The following HDAC9 variants were observed in gnomAD, a reference collection of about 807,000 sequenced individuals.
HDAC9 encodes histone deacetylase 9.
In HDAC9, 41 loss-of-function variants were observed where a neutral mutation model predicts 139.4. That is an observed-to-expected ratio of 0.29 (90% CI 0.23 to 0.38). The LOEUF (loss-of-function observed/expected upper bound fraction) is 0.38. HDAC9 is among the 10% of genes least tolerant of loss of function. The pLI is 1.00. For synonymous variants in HDAC9, 517 were observed against 476.2 expected (o/e 1.09, Z -1.12); for missense variants, 1,147 against 1,297.0 (o/e 0.88, Z 1.78).
intron 22 of HDAC9, among the ~76,000 whole-genome samples, chr7:18,898,988 C>T (rs188373795): frequency 9.8e-4 from 149 of 152,034 alleles, no homozygotes; most frequent in African/African-American, 3.2e-3. Context: ...AATTCTGTTA[C>T]GCTTATGCTA....
At chr7:18,937,519 T>C (rs1210891017) in intron 23 of HDAC9, among the ~76,000 whole-genome samples, 2 of 152,204 alleles carry the variant, frequency 1.3e-5, no homozygotes, top group Non-Finnish European at 2.9e-5. Flanking sequence ...GAGTGTTTTT[T>C]TGTGGCAGTA....
At chr7:18,862,484 A>G (rs1252374268) in intron 21 of HDAC9, among the ~76,000 whole-genome samples, 1 of 152,174 alleles carries the variant, frequency 6.6e-6, no homozygotes, top group African/African-American at 2.4e-5. Context: ...GAATCAAGTG[A>G]TTTTTCTAAC....
At chr7:18,417,340 A>G (rs966375319) in intron 1 of HDAC9, among the ~76,000 whole-genome samples, 5 of 152,208 alleles carry the variant, frequency 3.3e-5, no homozygotes, top group African/African-American at 9.6e-5. Context: ...CAGTTTCAAT[A>G]ACTGTCTTAA....
intron 17 of HDAC9, among the ~76,000 whole-genome samples, chr7:18,808,903 C>T (rs576721505): frequency 1.8e-4 from 28 of 151,822 alleles, no homozygotes; most frequent in African/African-American, 6.0e-4. Context: ...ACAACAAAAA[C>T]GAAGATGAAG....
intron 6 of HDAC9, among the ~76,000 whole-genome samples, chr7:18,614,664 A>G (rs1207335774): frequency 6.6e-6 from 1 of 152,216 alleles, no homozygotes; most frequent in Non-Finnish European, 1.5e-5. Context: ...AATCAGAGCA[A>G]CATTCTCTTT....
chr7:18,907,710 A>G (rs1802388473), intron 22 of HDAC9, among the ~76,000 whole-genome samples: 1 of 152,186 alleles, frequency 6.6e-6, no homozygotes, highest in African/African-American at 2.4e-5. Context: ...GAAAGAAAAC[A>G]AAACTCACCA....
intron 16 of HDAC9, among the ~76,000 whole-genome samples, chr7:18,770,784 A>G (rs1790222704): frequency 6.6e-6 from 1 of 152,176 alleles, no homozygotes. Context: ...ACATGGTTGT[A>G]AAAGTATAAA....
chr7:18,234,099 G>T (rs1004940492), intron 2 of HDAC9, among the ~76,000 whole-genome samples: 2 of 152,176 alleles, frequency 1.3e-5, no homozygotes, highest in Non-Finnish European at 2.9e-5. Context: ...GTTAGATTAC[G>T]TAGTTGTGTG....
intron 2 of HDAC9, among the ~76,000 whole-genome samples, chr7:18,529,679 C>A (rs1362274603): frequency 6.6e-6 from 1 of 152,118 alleles, no homozygotes; most frequent in African/African-American, 2.4e-5. Flanking sequence ...TGTTTTTTCT[C>A]AATCATTTCT....
intron 1 of HDAC9, among the ~76,000 whole-genome samples, chr7:18,109,485 A>G (rs1332928349): frequency 6.6e-6 from 1 of 152,194 alleles, no homozygotes; most frequent in East Asian, 1.9e-4. Flanking sequence ...CATCTGCAAG[A>G]AAAAAGGATT....
chr7:18,301,774 A>G lies in HDAC9; in HGVS notation c.-42+11259A>G, dbSNP rs113459847. On this transcript the variant is annotated intron_variant, in intron 1 of 3. Transcript: ENST00000413509. Reference sequence around the variant, plus strand: ...TTCCCATTTCTCCCACCAGACACTCATGTTTAATAATGAGAATGAATGAAT... The same window carrying G: ...TTCCCATTTCTCCCACCAGACACTCGTGTTTAATAATGAGAATGAATGAAT... 1.8e-3 allele frequency among the ~76,000 whole-genome samples: 274 copies of G among 152,298 alleles called. 1 individual carries two copies. Among genetic ancestry groups the G allele is most frequent in the African/African-American group, 6.3e-3 (262 of 41,568 alleles).
intron 2 of HDAC9, among the ~76,000 whole-genome samples, chr7:18,204,110 T>C (rs1392640057): frequency 6.6e-6 from 1 of 151,992 alleles, no homozygotes; most frequent in African/African-American, 2.4e-5. Context: ...CCTCCATTAG[T>C]GGGGAAAGGT....
intron 2 of HDAC9, among the ~76,000 whole-genome samples, chr7:18,571,196 C>A (rs1007132420): frequency 1.3e-5 from 2 of 152,206 alleles, no homozygotes; most frequent in Admixed American, 1.3e-4. Flanking sequence ...ATTGTATGTA[C>A]AAAGTATAAC....
chr7:18,957,108 T>C (rs1377452787), intron 24 of HDAC9, among the ~76,000 whole-genome samples: 1 of 151,498 alleles, frequency 6.6e-6, no homozygotes, highest in Non-Finnish European at 1.5e-5. Context: ...GGGCTCTGAA[T>C]AGTGGGTTGA....
At chr7:18,588,689 T>G (rs914809727) in intron 3 of HDAC9, among the ~76,000 whole-genome samples, 4 of 152,156 alleles carry the variant, frequency 2.6e-5, no homozygotes, top group Non-Finnish European at 5.9e-5. Context: ...CACACCATTT[T>G]GTTATCTTTT....
intron 1 of HDAC9, among the ~76,000 whole-genome samples, chr7:18,100,750 C>T (rs940486471): frequency 2.0e-5 from 3 of 151,940 alleles, no homozygotes; most frequent in Admixed American, 6.6e-5. Context: ...ACTTTTTATC[C>T]TTGCTATTGG....
intron 13 of HDAC9, among the ~76,000 whole-genome samples, chr7:18,741,103 T>G (rs1044066957): frequency 6.6e-6 from 1 of 152,186 alleles, no homozygotes; most frequent in African/African-American, 2.4e-5. Context: ...AGTGTTGATG[T>G]AGAAGCTACA....
intron 1 of HDAC9, among the ~76,000 whole-genome samples, chr7:18,427,850 G>A (rs1472327242): frequency 6.6e-6 from 1 of 151,744 alleles, no homozygotes; most frequent in Non-Finnish European, 1.5e-5. Context: ...ATTATTCACC[G>A]TGCATAACTG....
At chr7:18,956,574 C>A (rs1042229074) in intron 24 of HDAC9, among the ~76,000 whole-genome samples, 2 of 152,072 alleles carry the variant, frequency 1.3e-5, no homozygotes, top group East Asian at 3.9e-4. Context: ...AACCAGAGCT[C>A]CTCCTTCTGA....
Sources: allele counts gnomAD v4.1 joint callset (sites outside exome capture counted in the v4.1 genomes callset), GRCh38; gene constraint gnomAD v4.1.1; transcripts MANE v1.5; gene names NCBI Gene and HGNC (gene_info 2026-07-23, HGNC 2026-07-21).